Variants in DLL3 observed in about 807,000 individuals in gnomAD.
The protein encoded by DLL3 is delta-like protein 3.
In DLL3, 49 loss-of-function variants were observed where a neutral mutation model predicts 55.0. The ratio of observed to expected loss-of-function variants is 0.89; its 90% CI spans 0.71 to 1.13. DLL3 has a LOEUF of 1.13. Ranked by LOEUF, DLL3 falls within the 50% of genes most tolerant of loss-of-function variation. The probability of loss-of-function intolerance (pLI) is 0.00; values close to 1 mark genes in which losing one functional copy is unlikely to be tolerated. For missense variants in DLL3, 962 were observed against 875.5 expected (o/e 1.10, Z -1.25); for synonymous variants, 421 against 385.2 (o/e 1.09, Z -1.09).
rs753915676 is a variant in DLL3 at position 39,505,254 on chromosome 19, C to A, written c.896C>A (p.Thr299Asn). 1 of 1,614,040 alleles carries A rather than the reference C, an allele frequency of 6.2e-7. No individual in the cohort carries two copies. The highest frequency in any genetic ancestry group is 1.7e-5 in the Admixed American group (1 of 60,004). The change falls in exon 6 of 9, where the codon ACC becomes AAC. Residue 299 changes from threonine to asparagine, a missense_variant. By Grantham distance (65) the Thr-to-Asn change is moderately conservative. Coordinates refer to ENST00000356433, the MANE Select transcript of DLL3 (RefSeq NM_203486.3). ...GAGACACCCAGGTCCTTTGAATGCA[C>A]CTGCCCGCGTGGGTTCTACGGGCTG... ...CSETPRSFEC[T>N]CPRGFYGLRC... is the part of the protein sequence containing the mutation.
rs2079626262 is a variant in DLL3, at chr19:39,504,076, T to C, written c.658T>C (p.Cys220Arg). 2 of 1,613,326 alleles carry C rather than the reference T, an allele frequency of 1.2e-6. No homozygotes were observed. The highest frequency in any genetic ancestry group is 2.7e-5 in the African/African-American group (2 of 75,040). Residue 220 changes from cysteine to arginine, a missense_variant, in exon 5 of 9, where the codon TGC becomes CGC. Coordinates refer to ENST00000356433, the MANE Select transcript of DLL3 (RefSeq NM_203486.3). ...TGCCTCTCTGTCCCCCATAGTGGTG[T>C]GCCGAGCAGGCTGCAGCCCTGAGCA... The part of the protein sequence containing the change: ...LEDECEAPLV[C>R]RAGCSPEHGF...
At chr19:39,504,014 C>A in intron 4 of DLL3, 57 bp from the exon 5 acceptor site, 1 of 1,561,226 alleles carries the variant, frequency 6.4e-7, no homozygotes. Context: ...TCCATCTTGT[C>A]CCTGGCCCTC....
intron 3 of DLL3, among the ~76,000 whole-genome samples, chr19:39,502,131 G>A (rs1035562105): frequency 1.3e-5 from 2 of 149,104 alleles, no homozygotes; most frequent in Admixed American, 6.7e-5. Context: ...AGCTGGCAGT[G>A]AGCCGAGATC....
intron 8 of DLL3, 101 bp from the exon 9 acceptor site, chr19:39,508,151 T>G: frequency 6.2e-7 from 1 of 1,614,046 alleles, no homozygotes; most frequent in Non-Finnish European, 8.5e-7. Context: ...GAGGTCACGA[T>G]GCCGACTCCG....
chr19:39,505,806 C>T (rs2079637186), intron 6 of DLL3, among the ~76,000 whole-genome samples: 1 of 152,158 alleles, frequency 6.6e-6, no homozygotes, highest in South Asian at 2.1e-4. Flanking sequence ...GACTGAGGCA[C>T]ATCTTGTGGG....
rs553018171 is a variant in DLL3, at chr19:39,500,430, C to G, written c.352-185C>G. ...GACAAAGTGAGATTCTCCCCCCCCC[C>G]CCAAAAAAAAGCCACAGATGTCATT... On this transcript the variant is annotated intron_variant, in intron 2 of 8. Coordinates refer to ENST00000356433, the MANE Select transcript of DLL3 (RefSeq NM_203486.3). Among the ~76,000 whole-genome samples, 93 of 144,876 alleles carry G rather than the reference C, an allele frequency of 6.4e-4. No individual in the cohort carries two copies. In the East Asian group the frequency reaches 0.013, roughly 20 times the overall value.
At chr19:39,503,124 C>A in intron 4 of DLL3, 67 bp downstream of exon 4, 1 of 1,472,458 alleles carries the variant, frequency 6.8e-7, no homozygotes, top group Non-Finnish European at 9.0e-7. Context: ...GCGTCACTCG[C>A]GGCCCCCAGT....
In DLL3 at chr19:39,507,544, G is replaced by C. The variant is rs1327351066; in HGVS notation, c.1599G>C (p.Pro533=). ...DAGSRLLAGT[P]EPSVHALPDA... is the part of the protein sequence containing the mutation. ...GGTCTCGCTTGCTGGCTGGGACCCCGGAGCCGTCAGTCCACGCACTCCCGG... is the reference window on the plus strand; with the variant it reads ...GGTCTCGCTTGCTGGCTGGGACCCCCGAGCCGTCAGTCCACGCACTCCCGG... Residue 533 remains proline, a synonymous_variant, in exon 7 of 9, where the codon CCG becomes CCC. Coordinates refer to ENST00000356433, the MANE Select transcript of DLL3 (RefSeq NM_203486.3). 1.2e-6 allele frequency: 2 copies of C among 1,606,278 alleles called. No homozygotes were observed. Among genetic ancestry groups the C allele is most frequent in the Non-Finnish European group, 1.7e-6 (2 of 1,177,242 alleles).
chr19:39,502,207 A>AC (rs1022677583), intron 3 of DLL3, among the ~76,000 whole-genome samples: 151 of 151,670 alleles, frequency 1.0e-3, no homozygotes, highest in South Asian at 2.1e-3. Context: ...CAAAAAAAAA[A>AC]CAAATATCTG....
chr19:39,505,302 C>T lies in DLL3; in HGVS notation c.944C>T (p.Thr315Ile), dbSNP rs2079633461. 6.2e-7 allele frequency: 1 copy of T among 1,614,174 alleles called. No individual in the cohort carries two copies. Among genetic ancestry groups the T allele is most frequent in the Non-Finnish European group, 8.5e-7 (1 of 1,180,026 alleles). ...CTGCGGTGTGAGGTGAGCGGGGTGA[C>T]ATGTGCAGATGGACCCTGCTTCAAC... ...YGLRCEVSGV[T>I]CADGPCFNGG... Residue 315 changes from threonine to isoleucine, a missense_variant, in exon 6 of 9, where the codon ACA becomes ATA. Thr to Ile is a moderately conservative substitution (Grantham distance 89). Coordinates refer to ENST00000356433, the MANE Select transcript of DLL3 (RefSeq NM_203486.3).
At chr19:39,503,078 CACCCCGTCCCAGCCGGGG>C (rs1246944850) in intron 4 of DLL3, 21 bp downstream of exon 4, 2 of 1,520,368 alleles carry the variant, frequency 1.3e-6, no homozygotes, top group African/African-American at 2.8e-5. Flanking sequence ...CGTTCGACCC[CACCCCGTCCCAGCCGGGG>C]ACCCCGGCCC....
intron 5 of DLL3, among the ~76,000 whole-genome samples, chr19:39,504,537 G>A (rs545284833): frequency 6.6e-6 from 1 of 152,336 alleles, no homozygotes; most frequent in African/African-American, 2.4e-5. Flanking sequence ...ATGAGGAGCC[G>A]TGTGGGGCCA....
rs1169518949 is a variant in DLL3, at chr19:39,499,457, T to A, written c.335T>A (p.Phe112Tyr). The A allele has an allele frequency of 1.9e-6, 3 of 1,590,868 alleles. No individual in the cohort carries two copies. Among genetic ancestry groups the A allele is most frequent in the Middle Eastern group, 1.7e-4 (1 of 6,044 alleles). Residue 112 changes from phenylalanine to tyrosine, a missense_variant, in exon 2 of 9, where the codon TTC becomes TAC. Coordinates refer to ENST00000356433, the MANE Select transcript of DLL3 (RefSeq NM_203486.3). ...PLPDGLLQVPFRDAWPGTFSF... is the reference protein window; with the variant it reads ...PLPDGLLQVPYRDAWPGTFSF... ...CCCGACGGCCTCTTGCAGGTGCCCTTCCGGGACGCCTGGCCTGTAAGTGCT... is the reference window on the plus strand; with the variant it reads ...CCCGACGGCCTCTTGCAGGTGCCCTACCGGGACGCCTGGCCTGTAAGTGCT...
chr19:39,507,735 T>C, intron 7 of DLL3, 95 bp from the exon 8 acceptor site: 1 of 1,603,692 alleles, frequency 6.2e-7, no homozygotes, highest in South Asian at 1.1e-5. Flanking sequence ...CTTACCCCGG[T>C]AGCTGGTTTT....
At chr19:39,501,299 C>G (rs1481398039) in intron 3 of DLL3, among the ~76,000 whole-genome samples, 4 of 152,100 alleles carry the variant, frequency 2.6e-5, no homozygotes, top group Non-Finnish European at 5.9e-5. Context: ...CCACGCTCGG[C>G]CCCTATGTGA....
intron 5 of DLL3, 58 bp from the exon 6 acceptor site, chr19:39,505,171 G>C (rs1486422994): frequency 1.3e-6 from 2 of 1,569,654 alleles, no homozygotes; most frequent in Admixed American, 3.3e-5. Flanking sequence ...GACTGAGGAG[G>C]GGGATGGGAT....
intron 4 of DLL3, among the ~76,000 whole-genome samples, chr19:39,503,660 G>A (rs968546837): frequency 2.0e-5 from 3 of 152,280 alleles, no homozygotes; most frequent in Admixed American, 2.0e-4. Flanking sequence ...GGCTAATCCA[G>A]ATCTTCTCAG....
intron 6 of DLL3, 106 bp from the exon 7 acceptor site, chr19:39,506,933 G>C (rs2079644105): frequency 8.1e-7 from 1 of 1,229,186 alleles, no homozygotes; most frequent in Non-Finnish European, 1.1e-6. Flanking sequence ...CCTTAAGTTA[G>C]AGAGAAAAAG....
At chr19:39,508,156 A>G in intron 8 of DLL3, 96 bp from the exon 9 acceptor site, 1 of 1,613,800 alleles carries the variant, frequency 6.2e-7, no homozygotes, top group South Asian at 1.1e-5. Context: ...CACGATGCCG[A>G]CTCCGCCAGA....
Sources: gnomAD v4.1 joint callset for allele counts (sites outside exome capture counted in the v4.1 genomes callset) on GRCh38, gnomAD v4.1.1 for gene constraint, MANE v1.5 for transcripts, NCBI Gene and HGNC (gene_info 2026-07-23, HGNC 2026-07-21) for gene names.